The following GNG7 variants were observed in gnomAD, a reference collection of about 807,000 sequenced individuals.
GNG7 encodes G protein subunit gamma 7, also known as guanine nucleotide-binding protein G(I)/G(S)/G(O) subunit gamma-7.
GNG7 carries 1 observed loss-of-function variant against 4.0 expected under a neutral mutation model. The ratio of observed to expected loss-of-function variants is 0.25; its 90% confidence interval spans 0.09 to 1.18. GNG7 has a LOEUF of 1.18. Ranked by LOEUF, GNG7 falls within the 50% of genes most tolerant of loss-of-function variation. GNG7 has a pLI of 0.50. For missense variants in GNG7, 86 were observed against 91.9 expected (o/e 0.94, Z 0.26); for synonymous variants, 34 against 36.9 (o/e 0.92, Z 0.29).
chr19:2,569,265 C>T (rs987761904), intron 2 of GNG7, among the ~76,000 whole-genome samples: 6 of 44,608 alleles, frequency 1.3e-4, no homozygotes, highest in African/African-American at 2.5e-4. Flanking sequence ...CATCTCCATT[C>T]TCTCTCTCTC....
chr19:2,685,894 C>T (rs1226801640), intron 1 of GNG7, among the ~76,000 whole-genome samples: 1 of 152,140 alleles, frequency 6.6e-6, no homozygotes, highest in Non-Finnish European at 1.5e-5. Context: ...AAACAAAGGG[C>T]CCCATTCACT....
intron 2 of GNG7, among the ~76,000 whole-genome samples, chr19:2,567,331 T>TGTGTGTGTGTGTGTGTGTG (rs140297869): frequency 5.8e-5 from 8 of 137,172 alleles, no homozygotes; most frequent in Admixed American, 1.5e-4. Flanking sequence ...TGTCGTCGAT[T>TGTGTGTGTGTGTGTGTGTG]TGTGTGTGTG....
chr19:2,639,206 C>T (rs1982414682), intron 2 of GNG7, among the ~76,000 whole-genome samples: 1 of 151,176 alleles, frequency 6.6e-6, no homozygotes, highest in Non-Finnish European at 1.5e-5. Flanking sequence ...TGCACTCCAG[C>T]CTGGACAACA....
rs896249141 is a variant in GNG7, at chr19:2,546,541, G to A, written c.-38+8608C>T. 2.6e-5 allele frequency among the ~76,000 whole-genome samples: 4 copies of A among 152,162 alleles called. No homozygotes were observed. Among genetic ancestry groups the A allele is most frequent in the Admixed American group, 6.5e-5 (1 of 15,268 alleles). ...GGGCCCTTTGCTCTCAGGCTAAATC[G>A]GTCCCCGGGGCAGCTATATTTAGAA... is the stretch of plus-strand genomic sequence containing the variant. On this transcript the variant is annotated intron_variant, in intron 3 of 4. Transcript: ENST00000382159. This position sits in a 1 kb window ranked among gnomAD's most constrained non-coding sequence, Gnocchi z 6.3.
intron 3 of GNG7, among the ~76,000 whole-genome samples, chr19:2,540,527 G>A (rs984755637): frequency 1.3e-5 from 2 of 152,200 alleles, no homozygotes; most frequent in African/African-American, 2.4e-5. Flanking sequence ...GGGTGCGTGG[G>A]CCCCTGCTCG....
intron 3 of GNG7, among the ~76,000 whole-genome samples, chr19:2,548,169 C>T (rs2144754106): frequency 6.8e-6 from 1 of 147,324 alleles, no homozygotes; most frequent in African/African-American, 2.5e-5. Context: ...TTCATGTTAA[C>T]AATGGAAAAC....
chr19:2,544,530 G>A (rs1248443235), intron 3 of GNG7, among the ~76,000 whole-genome samples: 4 of 151,992 alleles, frequency 2.6e-5, no homozygotes, highest in East Asian at 1.9e-4. Context: ...GGTTATAGGC[G>A]CCCCCCACCC....
intron 2 of GNG7, among the ~76,000 whole-genome samples, chr19:2,560,411 C>T (rs895572361): frequency 1.3e-5 from 2 of 152,098 alleles, no homozygotes; most frequent in Non-Finnish European, 2.9e-5. Context: ...TTTAGGGGGC[C>T]CAAGCAGGAC....
intron 2 of GNG7, among the ~76,000 whole-genome samples, chr19:2,571,530 G>A (rs1046239698): frequency 1.3e-5 from 2 of 151,572 alleles, no homozygotes; most frequent in African/African-American, 2.4e-5. Flanking sequence ...GGTGCCTGCA[G>A]GCTACGTTAA....
At chr19:2,578,134 G>C (rs1980398246) in intron 2 of GNG7, among the ~76,000 whole-genome samples, 1 of 152,096 alleles carries the variant, frequency 6.6e-6, no homozygotes, top group Non-Finnish European at 1.5e-5. Flanking sequence ...CACCGCGCCC[G>C]GCTACGTGCT....
At chr19:2,636,090 T>G (rs1464905958) in intron 2 of GNG7, among the ~76,000 whole-genome samples, 1 of 152,014 alleles carries the variant, frequency 6.6e-6, no homozygotes, top group Non-Finnish European at 1.5e-5. Flanking sequence ...CCTGTGTTAT[T>G]TGGAAAAAAA....
chr19:2,606,220 A>C (rs1981379477), intron 2 of GNG7, among the ~76,000 whole-genome samples: 1 of 151,926 alleles, frequency 6.6e-6, no homozygotes, highest in African/African-American at 2.4e-5. Context: ...CTCTACAAAA[A>C]ATACAAAAAT....
chr19:2,645,191 C>T (rs545583202), intron 2 of GNG7, among the ~76,000 whole-genome samples: 27 of 151,940 alleles, frequency 1.8e-4, no homozygotes, highest in Admixed American at 9.8e-4. Context: ...ACAAAGCAAA[C>T]CCTAACTCTT....
intron 1 of GNG7, among the ~76,000 whole-genome samples, chr19:2,698,635 G>C (rs987699876): frequency 6.6e-6 from 1 of 151,896 alleles, no homozygotes; most frequent in Admixed American, 6.6e-5. Context: ...GACCAGGCAC[G>C]ACCTTCCTGT....
At chr19:2,654,160 C>T (rs529409978) in intron 1 of GNG7, among the ~76,000 whole-genome samples, 5 of 152,156 alleles carry the variant, frequency 3.3e-5, no homozygotes, top group East Asian at 3.9e-4. Context: ...GGGGGCGGGG[C>T]CGGCTGGGGA....
At chr19:2,560,285 G>A (rs1979701993) in intron 2 of GNG7, among the ~76,000 whole-genome samples, 1 of 152,118 alleles carries the variant, frequency 6.6e-6, no homozygotes. Flanking sequence ...AGTGTGCTGA[G>A]GGCCTGGCCG....
At chr19:2,569,999 C>T (rs982731680) in intron 2 of GNG7, among the ~76,000 whole-genome samples, 19 of 152,148 alleles carry the variant, frequency 1.2e-4, no homozygotes, top group South Asian at 6.2e-4. Flanking sequence ...CACTGAAATG[C>T]GACCCCCTAT....
chr19:2,665,348 G>C (rs12461188), intron 1 of GNG7, among the ~76,000 whole-genome samples: 1 of 143,666 alleles, frequency 7.0e-6, no homozygotes, highest in Admixed American at 6.9e-5. Flanking sequence ...CCCAGACATG[G>C]CCCAGTGTCC....
chr19:2,559,351 CTT>C (rs551861647), intron 2 of GNG7, among the ~76,000 whole-genome samples: 2,107 of 130,134 alleles, frequency 0.016, 41 homozygotes, highest in African/African-American at 0.056. Flanking sequence ...TTCTGTGTGT[CTT>C]TTTTTTTTTT....
Sources: gnomAD v4.1 joint callset for allele counts (sites outside exome capture counted in the v4.1 genomes callset) on GRCh38, gnomAD v4.1.1 for gene constraint, Gnocchi (gnomAD v3.1) non-coding constraint, MANE v1.5 for transcripts, NCBI Gene and HGNC (gene_info 2026-07-23, HGNC 2026-07-21) for gene names.